NREP: variants seen among roughly 807,000 people sequenced by gnomAD.
NREP encodes the protein neuronal regeneration related protein, also known as neuronal regeneration-related protein.
Under a neutral mutation model 8.6 loss-of-function variants are expected in NREP, and 5 were observed. The ratio of observed to expected loss-of-function variants is 0.58; its 90% CI spans 0.30 to 1.22. NREP has a LOEUF of 1.22. Among genes scored for constraint, NREP ranks in the 50% most tolerant of loss-of-function variants. The pLI is 0.07. For missense variants in NREP, 86 were observed against 82.5 expected (o/e 1.04, Z -0.17); for synonymous variants, 27 against 28.0 (o/e 0.96, Z 0.11).
In NREP at chr5:111,945,208, T is replaced by G. The variant is rs1755942526; in HGVS notation, c.135+30066A>C. Among the ~76,000 whole-genome samples, 2 of 152,166 alleles carry G rather than the reference T, an allele frequency of 1.3e-5. 1 individual carries two copies. Among genetic ancestry groups the G allele is most frequent in the South Asian group, 4.1e-4 (2 of 4,832 alleles). ...ATTTAAAAAATTAGGGTATAAATGA[T>G]AAAGTCTAATGCTTTTATCCTAGTT... On this transcript the variant is annotated intron_variant, in intron 2 of 3. Coordinates refer to the NREP transcript ENST00000395634.
chr5:111,748,442 AAC>A lies in NREP; in HGVS notation c.3+7326_3+7327del, dbSNP rs1255355430. On this transcript the variant is annotated intron_variant, in intron 2 of 3. Coordinates refer to ENST00000257435, the MANE Select transcript of NREP (RefSeq NM_004772.4). ...GGGCAACCTGGTCCTGCCCAGAAAT[AAC>A]AGATTGTCATGTATCCATGACCACT... Among the ~76,000 whole-genome samples, 16 of 152,268 alleles carry A rather than the reference AAC, an allele frequency of 1.1e-4. No individual in the cohort carries two copies. In the South Asian group the frequency reaches 3.3e-3, roughly 32 times the overall value.
rs142879966 is a variant in NREP at position 111,767,542 on chromosome 5, G to A, written c.136-32035C>T. Among the ~76,000 whole-genome samples the A allele has an allele frequency of 1.5e-3, 225 of 152,252 alleles. 1 individual carries two copies. Among genetic ancestry groups the A allele is most frequent in the Non-Finnish European group, 4.3e-4 (29 of 68,026 alleles). ...GGACTATTTTCTGTTCTCTGTTTAT[G>A]CAAATGGTCTCACGTCCACGTACTC... On this transcript the variant is annotated intron_variant, in intron 2 of 3. Coordinates refer to the NREP transcript ENST00000395634.
At chr5:111,953,823 T>C (rs533073585) in intron 2 of NREP, among the ~76,000 whole-genome samples, 219 of 152,176 alleles carry the variant, frequency 1.4e-3, no homozygotes, top group African/African-American at 5.2e-3. Flanking sequence ...AGGACCAGTG[T>C]AGACAAAGAA....
chr5:111,936,344 ACT>A (rs1231445496), intron 2 of NREP, among the ~76,000 whole-genome samples: 1 of 151,102 alleles, frequency 6.6e-6, no homozygotes, highest in East Asian at 2.0e-4. Flanking sequence ...TCCTTCACAC[ACT>A]CTCTCTTTCC....
At chr5:111,949,362 A>AT (rs5870477) in intron 2 of NREP, among the ~76,000 whole-genome samples, 18 of 150,004 alleles carry the variant, frequency 1.2e-4, no homozygotes, top group Non-Finnish European at 1.8e-4. Context: ...AGCCCTAGGG[A>AT]TTTTTTTTTT....
intron 2 of NREP, among the ~76,000 whole-genome samples, chr5:111,743,210 T>C (rs2112819937): frequency 6.6e-6 from 1 of 151,122 alleles, no homozygotes; most frequent in East Asian, 2.0e-4. Flanking sequence ...CAGTTGTGAG[T>C]GAACAATAAT....
intron 2 of NREP, among the ~76,000 whole-genome samples, chr5:111,791,913 T>A (rs890624678): frequency 4.6e-5 from 7 of 152,228 alleles, no homozygotes; most frequent in African/African-American, 1.2e-4. Context: ...GACTCTGTTA[T>A]CTGACTTTTA....
chr5:111,838,337 G>C (rs1159629501), intron 2 of NREP, among the ~76,000 whole-genome samples: 4 of 152,072 alleles, frequency 2.6e-5, no homozygotes, highest in African/African-American at 7.2e-5. Context: ...CAGGGCTATA[G>C]GGCTACAGGA....
At chr5:111,868,011 G>A (rs1753706643) in intron 2 of NREP, among the ~76,000 whole-genome samples, 1 of 151,660 alleles carries the variant, frequency 6.6e-6, no homozygotes, top group African/African-American at 2.4e-5. Flanking sequence ...CTAGTCCCTG[G>A]TGTTGGTCTT....
intron 2 of NREP, among the ~76,000 whole-genome samples, chr5:111,864,607 C>T (rs757881630): frequency 7.2e-5 from 11 of 151,774 alleles, no homozygotes; most frequent in Non-Finnish European, 1.5e-4. Context: ...AAAAGATCTC[C>T]TTAGGGTAGT....
intron 2 of NREP, among the ~76,000 whole-genome samples, chr5:111,915,955 T>C (rs1259240592): frequency 3.3e-5 from 5 of 152,080 alleles, no homozygotes; most frequent in African/African-American, 7.2e-5. Flanking sequence ...CACCTTGTTG[T>C]GCAGCAGCTC....
chr5:111,882,525 T>C (rs929413911), intron 2 of NREP, among the ~76,000 whole-genome samples: 12 of 152,034 alleles, frequency 7.9e-5, no homozygotes. Context: ...AGACACATAA[T>C]TGTCAGATTC....
At chr5:111,859,949 C>A (rs1376644819) in intron 2 of NREP, among the ~76,000 whole-genome samples, 1 of 152,158 alleles carries the variant, frequency 6.6e-6, no homozygotes, top group Non-Finnish European at 1.5e-5. Flanking sequence ...ACCCAAATTT[C>A]TTTCAGACTT....
At chr5:111,921,329 G>A (rs866664914) in intron 2 of NREP, among the ~76,000 whole-genome samples, 5 of 152,066 alleles carry the variant, frequency 3.3e-5, no homozygotes, top group African/African-American at 1.2e-4. Flanking sequence ...TAGTGGTCCT[G>A]CCAAAGACAG....
At chr5:111,795,572 A>G (rs1751855239) in intron 2 of NREP, among the ~76,000 whole-genome samples, 1 of 152,236 alleles carries the variant, frequency 6.6e-6, no homozygotes, top group African/African-American at 2.4e-5. Context: ...TATATGAGAG[A>G]TAAATTCCTT....
At chr5:111,929,176 T>TA (rs1428001495) in intron 2 of NREP, among the ~76,000 whole-genome samples, 1 of 152,208 alleles carries the variant, frequency 6.6e-6, no homozygotes. Flanking sequence ...GCTAGAAGCT[T>TA]AACTTTTTAC....
In NREP at chr5:111,887,627, C is replaced by A. The variant is rs376928528; in HGVS notation, c.135+87647G>T. Among the ~76,000 whole-genome samples, 90 of 152,232 alleles carry A rather than the reference C, an allele frequency of 5.9e-4. 1 individual carries two copies. The highest frequency in any genetic ancestry group is 2.1e-3 in the African/African-American group (89 of 41,534). ...GAATGGAAAAGAGGAAGTTAAGTACCTTAAAATATAGCTGAATGTGCTGGC... is the reference window on the plus strand; with the variant it reads ...GAATGGAAAAGAGGAAGTTAAGTACATTAAAATATAGCTGAATGTGCTGGC... On this transcript the variant is annotated intron_variant, in intron 2 of 3. Coordinates refer to the NREP transcript ENST00000395634.
intron 2 of NREP, among the ~76,000 whole-genome samples, chr5:111,780,921 G>C (rs1751478810): frequency 6.6e-6 from 1 of 152,066 alleles, no homozygotes; most frequent in African/African-American, 2.4e-5. Context: ...TTAAGTTCAG[G>C]GGTATATGTG....
intron 2 of NREP, among the ~76,000 whole-genome samples, chr5:111,806,834 G>A (rs569467190): frequency 2.6e-5 from 4 of 152,204 alleles, no homozygotes; most frequent in South Asian, 4.2e-4. Context: ...CTAAAGTTAT[G>A]TATGTGAGAG....
Sources: allele counts gnomAD v4.1 joint callset (sites outside exome capture counted in the v4.1 genomes callset), GRCh38; gene constraint gnomAD v4.1.1; transcripts MANE v1.5; gene names NCBI Gene and HGNC (gene_info 2026-07-23, HGNC 2026-07-21).